Variants in TICRR observed in about 807,000 individuals in gnomAD.
TICRR encodes treslin.
TICRR carries 132 observed loss-of-function variants against 178.1 expected under a neutral mutation model. The observed-to-expected ratio is 0.74, with a 90% confidence interval of 0.64 to 0.86. TICRR has a LOEUF of 0.86. Among genes scored for constraint, TICRR ranks in the 40% least tolerant of loss-of-function variants. TICRR has a pLI of 0.00. For missense variants in TICRR, 2,587 were observed against 2,334.3 expected, an observed-to-expected ratio of 1.11 and a Z score of -2.23; for synonymous variants, 991 against 900.7, an observed-to-expected ratio of 1.10 and a Z score of -1.79.
At chr15:89,617,827 G>A (rs966242096) in intron 16 of TICRR, among the ~76,000 whole-genome samples, 1 of 152,058 alleles carries the variant, frequency 6.6e-6, no homozygotes, top group African/African-American at 2.4e-5. Context: ...AAGTAGCTGG[G>A]ACTACAGGCG....
In TICRR at chr15:89,605,411, C is replaced by G. The variant is rs144078607; in HGVS notation, c.2665-1357C>G. 2.5e-3 allele frequency among the ~76,000 whole-genome samples: 387 copies of G among 152,258 alleles called. 1 individual carries two copies. Among genetic ancestry groups the G allele is most frequent in the African/African-American group, 8.8e-3 (367 of 41,536 alleles). ...TGAGATGGAGTCTCCCTCTGTCGCC[C>G]AGGCTGGAGTGCAGTGGCACGATCT... On this transcript the variant is annotated intron_variant, in intron 13 of 21. Coordinates refer to ENST00000268138, the MANE Select transcript of TICRR (RefSeq NM_152259.4).
At position 89,601,816 on chromosome 15, in the gene TICRR, GTCCTTCC is replaced by G; in HGVS notation, c.2409_2415del (p.Leu804GlnfsTer9). 6.2e-7 allele frequency: 1 copy of G among 1,614,132 alleles called. No individual in the cohort carries two copies. Among genetic ancestry groups the G allele is most frequent in the Non-Finnish European group, 8.5e-7 (1 of 1,180,016 alleles). ...TGTGATTCCTCAGAAGCTGGCTGGT[GTCCTTCC>G]TACAGATTTTTTCAGTGATGACTCC... On this transcript the variant is annotated frameshift_variant, in exon 12 of 22. Coordinates refer to ENST00000268138, the MANE Select transcript of TICRR (RefSeq NM_152259.4). LOFTEE classifies it high-confidence loss of function.
chr15:89,613,583 T>G (rs1963285979), intron 15 of TICRR, among the ~76,000 whole-genome samples: 2 of 152,328 alleles, frequency 1.3e-5, no homozygotes, highest in South Asian at 4.1e-4. Flanking sequence ...TATCTGAAGC[T>G]CTGTTCATTT....
At chr15:89,617,234 T>C (rs1963349218) in intron 16 of TICRR, among the ~76,000 whole-genome samples, 1 of 152,234 alleles carries the variant, frequency 6.6e-6, no homozygotes, top group Non-Finnish European at 1.5e-5. Flanking sequence ...GAAACCCATC[T>C]CGACATTATT....
intron 14 of TICRR, 41 bp from the exon 15 acceptor site, chr15:89,608,762 C>T: frequency 6.5e-7 from 1 of 1,531,952 alleles, no homozygotes; most frequent in Non-Finnish European, 8.8e-7. Context: ...TGATGATAAT[C>T]TTTGGGTTTT....
rs752956970 is a variant in TICRR, at chr15:89,575,791, G to T, written c.205G>T (p.Gly69Trp). The change falls in exon 1 of 22, where the codon GGG (glycine) becomes TGG (tryptophan). Residue 69 changes from glycine to tryptophan, a missense_variant. Transcript: ENST00000268138. ...PSRVSDFRELGSRSWEDFEEE... is the reference protein window; with the variant it reads ...PSRVSDFRELWSRSWEDFEEE... ...CCGCGTGTCTGACTTCCGCGAGCTG[G>T]GGTCCCGCTCGTGGGAGGACTTTGA... is the stretch of plus-strand genomic sequence containing the variant. 3 of 1,607,380 alleles carry T rather than the reference G, an allele frequency of 1.9e-6. No individual in the cohort carries two copies. The East Asian group carries it at 6.7e-5, about 36-fold the overall frequency.
rs1540504 is a variant in TICRR at position 89,585,957 on chromosome 15, T to C, written c.1411+15T>C. On this transcript the variant is annotated intron_variant, in intron 4 of 21. Transcript: ENST00000268138. The stretch of plus-strand genomic sequence containing the variant: ...TGCTTCTGCTGGTAAGCTCCTAAAC[T>C]AGTAACTAACAGAGTCTAGGGTGGT... 0.89 allele frequency: 1,424,989 copies of C among 1,608,920 alleles called. 635,360 individuals carry two copies. The highest frequency in any genetic ancestry group is 0.92 in the Non-Finnish European group (1,078,874 of 1,175,650).
In TICRR at chr15:89,619,698, G is replaced by A. The variant is rs777014698; in HGVS notation, c.3020-10G>A. On this transcript the variant is annotated splice_polypyrimidine_tract_variant and intron_variant, in intron 17 of 21. Coordinates refer to ENST00000268138, the MANE Select transcript of TICRR (RefSeq NM_152259.4). ...GTCTTTGGTTACTTACTGTGGTTCT[G>A]ATTTTACAGAAATAAGTCTGAGACG... The A allele has an allele frequency of 6.2e-7, 1 of 1,601,718 alleles. No individual in the cohort carries two copies. Among genetic ancestry groups the A allele is most frequent in the Non-Finnish European group, 8.5e-7 (1 of 1,175,724 alleles).
chr15:89,596,315 G>C (rs139670533), intron 7 of TICRR, among the ~76,000 whole-genome samples: 199 of 151,686 alleles, frequency 1.3e-3, no homozygotes, highest in African/African-American at 4.4e-3. Context: ...GCTCAATCTT[G>C]CTATAGAGTT....
chr15:89,616,616 C>A, intron 16 of TICRR, 121 bp downstream of exon 16: 2 of 718,486 alleles, frequency 2.8e-6, no homozygotes, highest in Non-Finnish European at 4.7e-6. Flanking sequence ...TTGCTTAAAA[C>A]CAAAGAGCAT....
chr15:89,608,150 C>T (rs1963201902), intron 14 of TICRR, among the ~76,000 whole-genome samples: 1 of 152,100 alleles, frequency 6.6e-6, no homozygotes, highest in African/African-American at 2.4e-5. Context: ...TAGCTTCTAA[C>T]TCAATAAGTG....
intron 19 of TICRR, among the ~76,000 whole-genome samples, 192 bp from the exon 20 acceptor site, chr15:89,623,431 C>G (rs1207606382): frequency 6.6e-6 from 1 of 152,088 alleles, no homozygotes; most frequent in Non-Finnish European, 1.5e-5. Context: ...GTGTTTGGTC[C>G]TAGAAAAAGT....
intron 16 of TICRR, 74 bp from the exon 17 acceptor site, chr15:89,618,078 G>A: frequency 3.5e-6 from 5 of 1,432,908 alleles, no homozygotes; most frequent in Non-Finnish European, 3.9e-6. Context: ...TGTTAAGTGA[G>A]AAGCTGCCTG....
At chr15:89,613,208 A>T (rs1963280087) in intron 15 of TICRR, among the ~76,000 whole-genome samples, 1 of 152,214 alleles carries the variant, frequency 6.6e-6, no homozygotes, top group Admixed American at 6.5e-5. Context: ...TGGGTATAGA[A>T]TTCCTGGTTG....
intron 16 of TICRR, among the ~76,000 whole-genome samples, 154 bp downstream of exon 16, chr15:89,616,649 A>G (rs958083502): frequency 2.0e-5 from 3 of 152,246 alleles, no homozygotes; most frequent in Non-Finnish European, 2.9e-5. Flanking sequence ...CCATGGGAGC[A>G]GGAGAACCAT....
chr15:89,601,651 T>A (rs1963099787), intron 11 of TICRR, 83 bp downstream of exon 11: 1 of 1,610,412 alleles, frequency 6.2e-7, no homozygotes, highest in African/African-American at 1.3e-5. Flanking sequence ...TTTGGAGTTG[T>A]AAGGACTACT....
chr15:89,586,093 A>G, intron 4 of TICRR, 151 bp downstream of exon 4: 1 of 601,688 alleles, frequency 1.7e-6, no homozygotes. Flanking sequence ...TTAAATCATT[A>G]TTATTTATAG....
chr15:89,616,282 C>A, intron 15 of TICRR, 123 bp from the exon 16 acceptor site: 1 of 720,356 alleles, frequency 1.4e-6, no homozygotes, highest in Non-Finnish European at 2.4e-6. Flanking sequence ...GCCCAAAGAC[C>A]ATTAAGATCC....
At chr15:89,603,008 A>C in intron 13 of TICRR, 116 bp downstream of exon 13, 1 of 448,700 alleles carries the variant, frequency 2.2e-6, no homozygotes, top group East Asian at 3.6e-5. Flanking sequence ...TATTTTTATG[A>C]ATGTGTATAA....
Sources: gnomAD v4.1 joint callset for allele counts (sites outside exome capture counted in the v4.1 genomes callset) on GRCh38, gnomAD v4.1.1 for gene constraint, MANE v1.5 for transcripts, NCBI Gene and HGNC (gene_info 2026-07-23, HGNC 2026-07-21) for gene names.